NCKAP1L: variants seen among roughly 807,000 people sequenced by gnomAD.
NCKAP1L encodes the protein NCK associated protein 1 like.
NCKAP1L carries 53 observed loss-of-function variants against 139.2 expected under a neutral mutation model. That is an observed-to-expected ratio of 0.38 (90% CI 0.31 to 0.48). The LOEUF (loss-of-function observed/expected upper bound fraction) is 0.48, where lower values mean the gene tolerates loss of function less well. Among genes scored for constraint, NCKAP1L ranks in the 20% least tolerant of loss-of-function variants. The pLI is 0.98. For synonymous variants in NCKAP1L, 468 were observed against 499.7 expected, an observed-to-expected ratio of 0.94 and a Z score of 0.85; for missense variants, 1,151 against 1,381.9, an observed-to-expected ratio of 0.83 and a Z score of 2.65.
At position 54,536,934 on chromosome 12, in the gene NCKAP1L, A is replaced by G; in HGVS notation, c.3074-10A>G. On this transcript the variant is annotated splice_polypyrimidine_tract_variant and intron_variant, in intron 28 of 30. Coordinates refer to ENST00000293373, the MANE Select transcript of NCKAP1L (RefSeq NM_005337.5). ...CTTTTTTCTCTCCATCTATATCAAT[A>G]ATAACCTAGGTTACAACAACAATAT... is the stretch of plus-strand genomic sequence containing the variant. 2 of 1,586,926 alleles carry G rather than the reference A, an allele frequency of 1.3e-6. No homozygotes were observed. The highest frequency in any genetic ancestry group is 1.7e-6 in the Non-Finnish European group (2 of 1,156,444).
intron 30 of NCKAP1L, among the ~76,000 whole-genome samples, chr12:54,539,368 C>T (rs1183733303): frequency 6.6e-6 from 1 of 152,110 alleles, no homozygotes; most frequent in Admixed American, 6.5e-5. Context: ...GAAAAGAGTG[C>T]TGGATAACAC....
In NCKAP1L at chr12:54,519,174, A is replaced by T; in HGVS notation, c.1480-13A>T. 6.4e-7 allele frequency: 1 copy of T among 1,552,774 alleles called. No homozygotes were observed. Among genetic ancestry groups the T allele is most frequent in the Non-Finnish European group, 8.7e-7 (1 of 1,155,792 alleles). ...TCTTATTTTTCTCCACACTTTCCCA[A>T]CTCCAACCGCAGGCATACACTAGCG... On this transcript the variant is annotated splice_polypyrimidine_tract_variant and intron_variant, in intron 15 of 30. Transcript: ENST00000293373.
Position 54,532,219 on chromosome 12 carries a change from AG to A in NCKAP1L, c.2833del (p.Glu945SerfsTer11). The A allele has an allele frequency of 6.2e-7, 1 of 1,613,504 alleles. No homozygotes were observed. Among genetic ancestry groups the A allele is most frequent in the Non-Finnish European group, 8.5e-7 (1 of 1,179,766 alleles). ...PFLMGPIECLKEFVTPDTDIK... is the reference protein window; with the variant it reads ...PFLMGPIECLXEFVTPDTDIK... ...CTTATGGGTCCCATTGAGTGCTTGA[AG>A]GAGTTTGTCACTCCAGACACAGACA... On this transcript the variant is annotated frameshift_variant, in exon 26 of 31. Coordinates refer to ENST00000293373, the MANE Select transcript of NCKAP1L (RefSeq NM_005337.5). LOFTEE classifies it high-confidence loss of function.
Position 54,509,652 on chromosome 12 carries a change from C to A in NCKAP1L, c.507-17C>A. 1 of 1,585,188 alleles carries A rather than the reference C, an allele frequency of 6.3e-7. No homozygotes were observed. The highest frequency in any genetic ancestry group is 8.7e-7 in the Non-Finnish European group (1 of 1,153,696). ...GGTAAGGGAGGGCTGTAACCCCTCT[C>A]CTCTGCTTTCTTCTAGTGACCCCAG... On this transcript the variant is annotated splice_polypyrimidine_tract_variant and intron_variant, in intron 5 of 30. Coordinates refer to ENST00000293373, the MANE Select transcript of NCKAP1L (RefSeq NM_005337.5).
chr12:54,518,029 T>C, intron 13 of NCKAP1L, 91 bp downstream of exon 13: 2 of 1,508,016 alleles, frequency 1.3e-6, no homozygotes, highest in Middle Eastern at 1.8e-4. Flanking sequence ...TCTCATGCTC[T>C]GTAAGTTGGG....
At chr12:54,541,331 G>A (rs565209232) in intron 30 of NCKAP1L, among the ~76,000 whole-genome samples, 5 of 152,204 alleles carry the variant, frequency 3.3e-5, no homozygotes, top group Admixed American at 6.5e-5. Flanking sequence ...TTCCACTCCC[G>A]TAAACTTCTG....
chr12:54,538,636 T>C (rs1341153929), intron 29 of NCKAP1L, among the ~76,000 whole-genome samples: 1 of 152,168 alleles, frequency 6.6e-6, no homozygotes. Context: ...TCCCTGCCCC[T>C]TGCAATCTCT....
chr12:54,506,989 G>C (rs1194543934), intron 3 of NCKAP1L, among the ~76,000 whole-genome samples: 2 of 151,280 alleles, frequency 1.3e-5, no homozygotes, highest in African/African-American at 4.9e-5. Context: ...CATGCTCTAG[G>C]AGATAACTCT....
At chr12:54,507,577 G>A (rs1195091814) in intron 3 of NCKAP1L, among the ~76,000 whole-genome samples, 1 of 152,140 alleles carries the variant, frequency 6.6e-6, no homozygotes, top group Non-Finnish European at 1.5e-5. Flanking sequence ...TAATTTGGAG[G>A]AATGGGGCAT....
chr12:54,538,067 C>T (rs1957126775), intron 29 of NCKAP1L, among the ~76,000 whole-genome samples: 1 of 152,182 alleles, frequency 6.6e-6, no homozygotes, highest in Admixed American at 6.5e-5. Context: ...TAACAAAGAG[C>T]TTATTTCTTT....
intron 9 of NCKAP1L, among the ~76,000 whole-genome samples, chr12:54,514,926 C>T (rs1565675856): frequency 6.6e-6 from 1 of 152,174 alleles, no homozygotes; most frequent in Non-Finnish European, 1.5e-5. Context: ...AAGAGATGTT[C>T]GAAGGGTGTT....
chr12:54,517,018 G>T (rs762432108), intron 11 of NCKAP1L, 26 bp downstream of exon 11: 1 of 1,587,110 alleles, frequency 6.3e-7, no homozygotes, highest in Non-Finnish European at 8.6e-7. Flanking sequence ...GTTGGGAGGG[G>T]AATGATGGCC....
intron 18 of NCKAP1L, among the ~76,000 whole-genome samples, chr12:54,521,886 ATG>A (rs34410189): frequency 0.019 from 2,843 of 146,900 alleles, 68 homozygotes; most frequent in East Asian, 0.077. Context: ...GAGTGTGTGT[ATG>A]TGTGTGTGTG....
rs1488434665 is a variant in NCKAP1L at position 54,538,748 on chromosome 12, C to T, written c.3184-136C>T. On this transcript the variant is annotated intron_variant, in intron 29 of 30. Coordinates refer to ENST00000293373, the MANE Select transcript of NCKAP1L (RefSeq NM_005337.5). ...TCTCTGAAACCTAGGAGATTTGCCACTTTCCCACCCTGAGTCTTCAGGAAC... is the reference window on the plus strand; with the variant it reads ...TCTCTGAAACCTAGGAGATTTGCCATTTTCCCACCCTGAGTCTTCAGGAAC... 4.4e-6 allele frequency: 3 copies of T among 678,060 alleles called. No homozygotes were observed. The African/African-American group carries it at 5.4e-5, about 12-fold the overall frequency. The allele number at this position is 678,060 out of a possible 1,614,324, so 42.0% of individuals were successfully genotyped here.
chr12:54,499,606 A>G (rs1353061731), intron 2 of NCKAP1L, 141 bp downstream of exon 2: 3 of 595,618 alleles, frequency 5.0e-6, no homozygotes, highest in Non-Finnish European at 9.1e-6. Flanking sequence ...AGGCTCAACC[A>G]CAGGGCTTCA....
At chr12:54,519,129 C>A in intron 15 of NCKAP1L, 58 bp from the exon 16 acceptor site, 1 of 1,557,706 alleles carries the variant, frequency 6.4e-7, no homozygotes, top group Non-Finnish European at 8.7e-7. Flanking sequence ...AATTCCAAGG[C>A]TGGGGGCCTT....
In NCKAP1L at chr12:54,516,968, T is replaced by G. The variant is rs1189526171; in HGVS notation, c.1071T>G (p.Asp357Glu). 1 of 1,612,572 alleles carries G rather than the reference T, an allele frequency of 6.2e-7. No homozygotes were observed. The highest frequency in any genetic ancestry group is 1.1e-5 in the South Asian group (1 of 91,066). ...AVKELETVLADEPGLLGPKAL... is the reference protein window; with the variant it reads ...AVKELETVLAEEPGLLGPKAL... ...AGGAGCTGGAGACTGTGTTGGCTGA[T>G]GAACCGGGACTACTGGGTCCTAAGG... Residue 357 changes from aspartate to glutamate, a missense_variant, in exon 11 of 31, where the codon GAT (aspartate) becomes GAG (glutamate). Physicochemically the swap from Asp to Glu is conservative, Grantham distance 45. Transcript: ENST00000293373.
intron 16 of NCKAP1L, among the ~76,000 whole-genome samples, chr12:54,519,952 G>C (rs1956968390): frequency 6.6e-6 from 1 of 151,786 alleles, no homozygotes; most frequent in East Asian, 1.9e-4. Context: ...TAGTGGACAG[G>C]AGTGAAAATA....
In NCKAP1L at chr12:54,547,503, C is replaced by CGTGTGTGT. The variant is rs10691039; in HGVS notation, c.*4842_*4849dup. ...TCACGAATAACTTTGTGTGTGTGTGCGTGTGTGTGTGTGTGTGTGTGTGTG... is the reference window on the plus strand; with the variant it reads ...TCACGAATAACTTTGTGTGTGTGTGCGTGTGTGTGTGTGTGTGTGTGTGTGTGTGTGTG... On this transcript the variant is annotated 3_prime_UTR_variant, in exon 31 of 31. Transcript: ENST00000293373. The CGTGTGTGT allele has an allele frequency of 0.089, 13,078 of 146,706 alleles. 682 individuals carry two copies. The highest frequency in any genetic ancestry group is 0.17 in the Middle Eastern group (50 of 290). The allele number at this position is 146,706 out of a possible 1,614,324, so 9.1% of individuals were successfully genotyped here.
Sources: allele counts gnomAD v4.1 joint callset (sites outside exome capture counted in the v4.1 genomes callset), GRCh38; gene constraint gnomAD v4.1.1; transcripts MANE v1.5; gene names NCBI Gene and HGNC (gene_info 2026-07-23, HGNC 2026-07-21).